Variants in STAMBP observed in about 807,000 individuals in gnomAD.
STAMBP encodes the protein STAM binding protein, also known as STAM-binding protein.
A neutral mutation model predicts 50.7 loss-of-function variants in STAMBP; 31 were observed. That is an observed-to-expected ratio of 0.61 (90% CI 0.46 to 0.83). STAMBP has a LOEUF of 0.83. Among genes scored for constraint, STAMBP ranks in the 40% least tolerant of loss-of-function variants. The probability of loss-of-function intolerance (pLI) is 0.00; values close to 1 mark genes in which losing one functional copy is unlikely to be tolerated. For synonymous variants in STAMBP, 211 were observed against 192.4 expected, an observed-to-expected ratio of 1.10 and a Z score of -0.80; for missense variants, 472 against 518.9, an observed-to-expected ratio of 0.91 and a Z score of 0.88.
intron 2 of STAMBP, among the ~76,000 whole-genome samples, chr2:73,838,228 G>C (rs979569693): frequency 1.2e-4 from 19 of 152,302 alleles, no homozygotes; most frequent in African/African-American, 4.6e-4. Context: ...TACTTGCTGT[G>C]TCTGTGACTA....
chr2:73,870,600 A>G (rs950759397), downstream of STAMBP, among the ~76,000 whole-genome samples: 1 of 152,170 alleles, frequency 6.6e-6, no homozygotes, highest in Admixed American at 6.5e-5. Context: ...GACAAATCAT[A>G]ATGGGTTATT....
intron 2 of STAMBP, among the ~76,000 whole-genome samples, chr2:73,835,587 G>A (rs1334861708): frequency 6.6e-6 from 1 of 152,150 alleles, no homozygotes; most frequent in Non-Finnish European, 1.5e-5. Context: ...CTGGTGGCTT[G>A]AAGTAGTGTG....
Position 73,850,392 on chromosome 2 carries a change from C to T in STAMBP, c.884C>T (p.Thr295Ile). Residue 295 changes from threonine to isoleucine, a missense_variant, in exon 7 of 10, where the codon ACC becomes ATC. Transcript: ENST00000394070. The surrounding 1 kb of genome is among the most constrained non-coding windows in gnomAD (Gnocchi z 4.3). Reference sequence around the variant, plus strand: ...CTTTGGCAGATGAGGAATGAATTTACCATTACCCATGTTCTCATCCCCAAG... The same window carrying T: ...CTTTGGCAGATGAGGAATGAATTTATCATTACCCATGTTCTCATCCCCAAG... ...LCGKLMRNEF[T>I]ITHVLIPKQS... 1 of 1,611,276 alleles carries T rather than the reference C, an allele frequency of 6.2e-7. No homozygotes were observed. Among genetic ancestry groups the T allele is most frequent in the Non-Finnish European group, 8.5e-7 (1 of 1,178,896 alleles).
downstream of STAMBP, among the ~76,000 whole-genome samples, chr2:73,871,408 C>T (rs939074260): frequency 6.6e-6 from 1 of 151,808 alleles, no homozygotes; most frequent in African/African-American, 2.4e-5. Flanking sequence ...ATTAGCCAGG[C>T]GTGGTGGTGG....
At position 73,844,865 on chromosome 2, in the gene STAMBP, C is replaced by A. The variant is rs769638784; in HGVS notation, c.256C>A (p.Pro86Thr). ...KHRDYKSAVI[P>T]EKKDTVKKLK... The stretch of plus-strand genomic sequence containing the variant: ...TCGAGATTACAAATCTGCTGTCATT[C>A]CTGAAAAGAAAGACACAGTAAAGGT... Residue 86 changes from proline (P) to threonine (T), a missense_variant, in exon 3 of 10, where the codon CCT becomes ACT. Coordinates refer to ENST00000394070, the MANE Select transcript of STAMBP (RefSeq NM_213622.4). 24 of 1,613,866 alleles carry A rather than the reference C, an allele frequency of 1.5e-5. No homozygotes were observed. Among genetic ancestry groups the A allele is most frequent in the Non-Finnish European group, 2.0e-5 (24 of 1,179,988 alleles).
Position 73,864,350 on chromosome 2 carries a change from G to A in STAMBP, c.*2091G>A, listed in dbSNP as rs928852395. ...TTCTTTTCTCTTCCTCTAGGCACAA[G>A]ATATCTTAGTGGCTAGATGGGTGCA... is the stretch of plus-strand genomic sequence containing the variant. On this transcript the variant is annotated 3_prime_UTR_variant, in exon 10 of 10. Coordinates refer to ENST00000394070, the MANE Select transcript of STAMBP (RefSeq NM_213622.4). 1 of 152,180 alleles carries A rather than the reference G, an allele frequency of 6.6e-6. No individual in the cohort carries two copies. Among genetic ancestry groups the A allele is most frequent in the Non-Finnish European group, 1.5e-5 (1 of 68,048 alleles). The allele number at this position is 152,180 out of a possible 1,614,324, so 9.4% of individuals were successfully genotyped here. A position where few individuals can be genotyped will look rare whatever the true frequency, so the allele number is the denominator to read the frequency against.
Position 73,866,399 on chromosome 2 carries a change from T to C in STAMBP, c.*4140T>C, listed in dbSNP as rs752264374. On this transcript the variant is annotated 3_prime_UTR_variant, in exon 10 of 10. Coordinates refer to ENST00000394070, the MANE Select transcript of STAMBP (RefSeq NM_213622.4). ...TTTGTTGTTTTGCAGCGTTTTCATA[T>C]TGTCTTTTATGTAAGTCATGTTTCT... is the stretch of plus-strand genomic sequence containing the variant. The C allele has an allele frequency of 1.3e-5, 2 of 152,264 alleles. No individual in the cohort carries two copies. The highest frequency in any genetic ancestry group is 2.9e-5 in the Non-Finnish European group (2 of 68,050). 9.4% of individuals were successfully genotyped at this position (152,264 alleles called of 1,614,324 possible).
intron 2 of STAMBP, among the ~76,000 whole-genome samples, chr2:73,837,325 C>G (rs1674827351): frequency 6.6e-6 from 1 of 152,166 alleles, no homozygotes; most frequent in South Asian, 2.1e-4. Context: ...GTGGCTCACG[C>G]CTGTAATCCC....
At position 73,864,092 on chromosome 2, in the gene STAMBP, A is replaced by G. The variant is rs1444362009; in HGVS notation, c.*1833A>G. 6.6e-6 allele frequency: 1 copy of G among 152,148 alleles called. No individual in the cohort carries two copies. Among genetic ancestry groups the G allele is most frequent in the East Asian group, 1.9e-4 (1 of 5,192 alleles). 9.4% of individuals were successfully genotyped at this position (152,148 alleles called of 1,614,324 possible). A position where few individuals can be genotyped will look rare whatever the true frequency, so the allele number is the denominator to read the frequency against. On this transcript the variant is annotated 3_prime_UTR_variant, in exon 10 of 10. Coordinates refer to ENST00000394070, the MANE Select transcript of STAMBP (RefSeq NM_213622.4). Reference sequence around the variant, plus strand: ...GATGCCTGTGTTCTACCCCCCACCAATTAAAGCTGAATCTCTAGGGTGGAG... The same window carrying G: ...GATGCCTGTGTTCTACCCCCCACCAGTTAAAGCTGAATCTCTAGGGTGGAG...
At chr2:73,851,317 A>T (rs1676773615) in intron 7 of STAMBP, among the ~76,000 whole-genome samples, 1 of 152,156 alleles carries the variant, frequency 6.6e-6, no homozygotes, top group Non-Finnish European at 1.5e-5. Flanking sequence ...GGGAGAGAAA[A>T]CTTGTTCCTT....
intron 2 of STAMBP, among the ~76,000 whole-genome samples, chr2:73,843,468 C>G (rs1240662058): frequency 6.9e-6 from 1 of 145,640 alleles, no homozygotes; most frequent in Non-Finnish European, 1.5e-5. Context: ...AAGGTCTCAC[C>G]CTGTTACCCA....
chr2:73,868,576 T>A (rs1486308159), downstream of STAMBP, among the ~76,000 whole-genome samples: 2 of 152,174 alleles, frequency 1.3e-5, no homozygotes, highest in African/African-American at 4.8e-5. Context: ...TTTTATTTTT[T>A]AAACTCCCCT....
chr2:73,851,094 T>TC (rs1676750859), intron 7 of STAMBP, among the ~76,000 whole-genome samples: 1 of 152,226 alleles, frequency 6.6e-6, no homozygotes, highest in Non-Finnish European at 1.5e-5. Flanking sequence ...CCCCTCACTC[T>TC]CATAGCCCAA....
downstream of STAMBP, among the ~76,000 whole-genome samples, chr2:73,871,962 G>A (rs1679218010): frequency 6.6e-6 from 1 of 151,790 alleles, no homozygotes; most frequent in Middle Eastern, 3.4e-3. Context: ...TAGTATAGAC[G>A]GGGTTTCACC....
At chr2:73,844,470 C>G (rs1486304676) in intron 2 of STAMBP, among the ~76,000 whole-genome samples, 2 of 152,176 alleles carry the variant, frequency 1.3e-5, no homozygotes, top group African/African-American at 4.8e-5. Context: ...GACAGAAGCC[C>G]TTTCCTTTGA....
chr2:73,839,040 AAG>A (rs900002336), intron 2 of STAMBP, among the ~76,000 whole-genome samples: 3 of 152,156 alleles, frequency 2.0e-5, no homozygotes, highest in South Asian at 2.1e-4. Context: ...CCGAGGAGAA[AAG>A]AGAGGGGAGT....
intron 2 of STAMBP, among the ~76,000 whole-genome samples, chr2:73,839,293 T>C (rs547941373): frequency 1.9e-4 from 29 of 152,202 alleles, no homozygotes; most frequent in Non-Finnish European, 3.4e-4. Flanking sequence ...ATTAAATCAG[T>C]ACATATTTTC....
chr2:73,838,751 G>T (rs1373683503), intron 2 of STAMBP, among the ~76,000 whole-genome samples: 1 of 152,174 alleles, frequency 6.6e-6, no homozygotes, highest in African/African-American at 2.4e-5. Context: ...AGGAGAGTTG[G>T]TGCGGATGAG....
At position 73,850,593 on chromosome 2, in the gene STAMBP, A is replaced by G. The variant is rs1573345827; in HGVS notation, c.1005+80A>G. The G allele has an allele frequency of 8.4e-6, 12 of 1,430,338 alleles. No individual in the cohort carries two copies. The East Asian group carries it at 1.2e-4, about 15-fold the overall frequency. 88.6% of individuals were successfully genotyped at this position (1,430,338 alleles called of 1,614,324 possible). ...AAATACATGAGTGTTTCTTTGAACA[A>G]AGTCAATTATATCCAGATTATTTAT... On this transcript the variant is annotated intron_variant, in intron 7 of 9. Coordinates refer to ENST00000394070, the MANE Select transcript of STAMBP (RefSeq NM_213622.4). This position sits in a 1 kb window ranked among gnomAD's most constrained non-coding sequence, Gnocchi z 4.3.
Sources: gnomAD v4.1 joint callset for allele counts (sites outside exome capture counted in the v4.1 genomes callset) on GRCh38, gnomAD v4.1.1 for gene constraint, Gnocchi (gnomAD v3.1) non-coding constraint, MANE v1.5 for transcripts, NCBI Gene and HGNC (gene_info 2026-07-23, HGNC 2026-07-21) for gene names.